Variants in KCNK1 observed in about 807,000 individuals in gnomAD.
KCNK1 encodes the protein potassium channel subfamily K member 1.
A neutral mutation model predicts 22.2 loss-of-function variants in KCNK1; 10 were observed. The observed-to-expected ratio is 0.45, with a 90% confidence interval of 0.28 to 0.76. The LOEUF (loss-of-function observed/expected upper bound fraction) is 0.76. Ranked by LOEUF, KCNK1 falls within the 30% of genes least tolerant of loss-of-function variation. The pLI is 0.14. For synonymous variants in KCNK1, 200 were observed against 186.4 expected (o/e 1.07, Z -0.60); for missense variants, 378 against 421.0 (o/e 0.90, Z 0.89).
intron 1 of KCNK1, among the ~76,000 whole-genome samples, chr1:233,663,107 G>A (rs527434968): frequency 1.4e-4 from 22 of 152,168 alleles, no homozygotes; most frequent in Non-Finnish European, 3.1e-4. Context: ...CAAACGAAGC[G>A]CTGTGTTGTA....
intron 2 of KCNK1, among the ~76,000 whole-genome samples, chr1:233,667,590 C>A (rs914420739): frequency 6.6e-6 from 1 of 151,354 alleles, no homozygotes; most frequent in Admixed American, 6.6e-5. Flanking sequence ...ATTAGCCGGG[C>A]GTGGTAGCGG....
At chr1:233,619,253 C>T (rs571439095) in intron 1 of KCNK1, among the ~76,000 whole-genome samples, 2 of 151,980 alleles carry the variant, frequency 1.3e-5, no homozygotes, top group Non-Finnish European at 2.9e-5. Context: ...AAACTTGTTG[C>T]CTTAAGCTGT....
At chr1:233,657,317 G>A (rs531271737) in intron 1 of KCNK1, among the ~76,000 whole-genome samples, 69 of 152,208 alleles carry the variant, frequency 4.5e-4, no homozygotes, top group South Asian at 1.5e-3. Context: ...TTATGTTTTC[G>A]AAATGTGACT....
At chr1:233,638,161 T>C (rs1657935800) in intron 1 of KCNK1, among the ~76,000 whole-genome samples, 1 of 152,150 alleles carries the variant, frequency 6.6e-6, no homozygotes, top group Non-Finnish European at 1.5e-5. Flanking sequence ...CAAAGCCAAG[T>C]AAGTGTCTGA....
chr1:233,664,308 A>T (rs1179722805), intron 1 of KCNK1, among the ~76,000 whole-genome samples: 3 of 150,970 alleles, frequency 2.0e-5, no homozygotes, highest in Non-Finnish European at 4.4e-5. Context: ...TCCTTCACAT[A>T]TTTTTTTTTC....
chr1:233,616,198 G>T (rs1039445027), intron 1 of KCNK1, among the ~76,000 whole-genome samples: 3 of 152,148 alleles, frequency 2.0e-5, no homozygotes, highest in Non-Finnish European at 2.9e-5. Context: ...GTTTACAACT[G>T]GGTCACAATG....
In KCNK1 at chr1:233,671,514, G is replaced by C; in HGVS notation, c.995G>C (p.Gly332Ala). ...ACCCAGTCATCTGCCTGCGTGGATGGCCCTGCAAACCATTGAGCGTAGGAT... is the reference window on the plus strand; with the variant it reads ...ACCCAGTCATCTGCCTGCGTGGATGCCCCTGCAAACCATTGAGCGTAGGAT... ...VATQSSACVD[G>A]PANH Residue 332 changes from glycine (G) to alanine (A), a missense_variant, in exon 3 of 3, where the codon GGC (glycine) becomes GCC (alanine). Coordinates refer to ENST00000366621, the MANE Select transcript of KCNK1 (RefSeq NM_002245.4). 2 of 1,614,066 alleles carry C rather than the reference G, an allele frequency of 1.2e-6. No homozygotes were observed. The highest frequency in any genetic ancestry group is 1.7e-6 in the Non-Finnish European group (2 of 1,180,044).
chr1:233,658,407 T>C (rs1459634558), intron 1 of KCNK1, among the ~76,000 whole-genome samples: 6 of 152,222 alleles, frequency 3.9e-5, no homozygotes, highest in Non-Finnish European at 8.8e-5. Context: ...AAATTCGATT[T>C]TTTTGATTGC....
At chr1:233,617,932 A>AG (rs796573804) in intron 1 of KCNK1, among the ~76,000 whole-genome samples, 12 of 152,098 alleles carry the variant, frequency 7.9e-5, no homozygotes, top group Non-Finnish European at 1.6e-4. Context: ...TCTGTCTTGG[A>AG]GGGGGAAAAA....
chr1:233,614,635 C>T lies in KCNK1; in HGVS notation c.355+109C>T, dbSNP rs576645338. 1,872 of 830,992 alleles carry T rather than the reference C, an allele frequency of 2.3e-3. 19 individuals carry two copies. The African/African-American group carries it at 0.028, about 12-fold the overall frequency. The allele number at this position is 830,992 out of a possible 1,614,324, so 51.5% of individuals were successfully genotyped here. A position where few individuals can be genotyped will look rare whatever the true frequency, so the allele number is the denominator to read the frequency against. ...CTAACCCTCCCACCCCACCCCCCAC[C>T]TTTCGCCATCCCGGCTCCTCCAGCC... On this transcript the variant is annotated intron_variant, in intron 1 of 2. Coordinates refer to ENST00000366621, the MANE Select transcript of KCNK1 (RefSeq NM_002245.4).
chr1:233,628,219 G>A (rs978877120), intron 1 of KCNK1, among the ~76,000 whole-genome samples: 2 of 152,150 alleles, frequency 1.3e-5, no homozygotes, highest in South Asian at 2.1e-4. Context: ...AATTGTCATC[G>A]GTGATATCAG....
intron 1 of KCNK1, among the ~76,000 whole-genome samples, chr1:233,642,720 T>C (rs1330996048): frequency 6.6e-6 from 1 of 151,936 alleles, no homozygotes; most frequent in Non-Finnish European, 1.5e-5. Context: ...GGTGATAGAG[T>C]AAAAGCAATG....
intron 1 of KCNK1, among the ~76,000 whole-genome samples, chr1:233,629,231 C>G (rs1006636080): frequency 3.3e-5 from 5 of 151,912 alleles, no homozygotes; most frequent in African/African-American, 1.2e-4. Context: ...TGTATGGGAC[C>G]CCATGGTAAT....
intron 1 of KCNK1, chr1:233,637,253 A>G (rs1405777431): frequency 6.6e-6 from 1 of 151,912 alleles, no homozygotes; most frequent in African/African-American, 2.4e-5. Context: ...GGTTATGGAA[A>G]CAAGGCAGGT....
At chr1:233,659,611 A>C (rs73105533) in intron 1 of KCNK1, among the ~76,000 whole-genome samples, 40 of 151,908 alleles carry the variant, frequency 2.6e-4, no homozygotes, top group African/African-American at 9.4e-4. Flanking sequence ...CTTTTATGCA[A>C]ATAGCAGCGC....
chr1:233,619,857 C>T (rs1197217498), intron 1 of KCNK1, among the ~76,000 whole-genome samples: 2 of 147,148 alleles, frequency 1.4e-5, no homozygotes, highest in African/African-American at 5.0e-5. Context: ...TTGCAGTGAG[C>T]CAAGATCACG....
At chr1:233,631,224 C>T (rs1473113906) in intron 1 of KCNK1, 2 of 522,936 alleles carry the variant, frequency 3.8e-6, no homozygotes, top group Non-Finnish European at 7.8e-6. Flanking sequence ...TGATGGTGAC[C>T]GATTATCATT....
chr1:233,645,315 G>A (rs1247935867), intron 1 of KCNK1, among the ~76,000 whole-genome samples: 3 of 152,192 alleles, frequency 2.0e-5, no homozygotes, highest in African/African-American at 7.2e-5. Flanking sequence ...TGGAAACTGT[G>A]AATGTGGCCT....
chr1:233,625,642 AG>A (rs1460808669), intron 1 of KCNK1, among the ~76,000 whole-genome samples: 5 of 152,312 alleles, frequency 3.3e-5, no homozygotes, highest in African/African-American at 1.2e-4. Flanking sequence ...ATAGGTGCTC[AG>A]GAACAACAAT....
Sources: allele counts gnomAD v4.1 joint callset (sites outside exome capture counted in the v4.1 genomes callset), GRCh38; gene constraint gnomAD v4.1.1; transcripts MANE v1.5; gene names NCBI Gene and HGNC (gene_info 2026-07-23, HGNC 2026-07-21).